Variants in FGD4 observed in about 807,000 individuals in gnomAD.
FGD4 encodes the protein FYVE, RhoGEF and PH domain-containing protein 4.
Under a neutral mutation model 102.0 loss-of-function variants are expected in FGD4, and 42 were observed. That is an observed-to-expected ratio of 0.41 (90% confidence interval 0.32 to 0.53). The LOEUF (loss-of-function observed/expected upper bound fraction) is 0.53, where lower values mean the gene tolerates loss of function less well. FGD4 is among the 20% of genes least tolerant of loss of function. The probability of loss-of-function intolerance (pLI) is 0.21; values close to 1 mark genes in which losing one functional copy is unlikely to be tolerated. For synonymous variants in FGD4, 380 were observed against 375.7 expected (o/e 1.01, Z -0.13); for missense variants, 902 against 1,078.2 (o/e 0.84, Z 2.29).
At chr12:32,514,237 T>A (rs1215324753) in intron 1 of FGD4, among the ~76,000 whole-genome samples, 1 of 152,220 alleles carries the variant, frequency 6.6e-6, no homozygotes, top group African/African-American at 2.4e-5. Context: ...GTGATAGACA[T>A]TTCAGTTATA....
chr12:32,560,711 G>A (rs1054165416), intron 1 of FGD4, among the ~76,000 whole-genome samples: 4 of 151,628 alleles, frequency 2.6e-5, no homozygotes, highest in African/African-American at 9.7e-5. Context: ...TTTTCTCAGA[G>A]TTGCAAGGTC....
At chr12:32,411,989 G>A (rs2136397433) in intron 1 of FGD4, among the ~76,000 whole-genome samples, 1 of 152,132 alleles carries the variant, frequency 6.6e-6, no homozygotes, top group South Asian at 2.1e-4. Flanking sequence ...GAAAAAAAAA[G>A]GCACATAGAG....
chr12:32,443,098 A>C (rs1428949491), intron 1 of FGD4, among the ~76,000 whole-genome samples: 1 of 152,190 alleles, frequency 6.6e-6, no homozygotes, highest in Non-Finnish European at 1.5e-5. Flanking sequence ...TGGTTAGCAG[A>C]TATTTCCCCC....
At chr12:32,511,904 C>T (rs776874684) in intron 1 of FGD4, 5 of 151,942 alleles carry the variant, frequency 3.3e-5, no homozygotes, top group Non-Finnish European at 5.9e-5. Flanking sequence ...CAAATTTCCA[C>T]GAAGAGTAAG....
intron 4 of FGD4, among the ~76,000 whole-genome samples, chr12:32,588,295 G>A (rs1050937282): frequency 3.9e-5 from 6 of 152,170 alleles, no homozygotes; most frequent in African/African-American, 1.4e-4. Context: ...TAGGCTATGG[G>A]CAAGGCACCG....
In FGD4 at chr12:32,399,960, G is replaced by A. The variant is rs765874488; in HGVS notation, c.166+1G>A. 199 of 1,465,796 alleles carry A rather than the reference G, an allele frequency of 1.4e-4. 1 individual carries two copies. The highest frequency in any genetic ancestry group is 1.7e-4 in the Non-Finnish European group (184 of 1,114,718). The allele number at this position is 1,465,796 out of a possible 1,614,324, so 90.8% of individuals were successfully genotyped here. On this transcript the variant is annotated splice_donor_variant, in intron 1 of 16. Coordinates refer to ENST00000534526, the MANE Select transcript of FGD4 (RefSeq NM_001370298.3). LOFTEE classifies it high-confidence loss of function. The stretch of plus-strand genomic sequence containing the variant: ...GGCCAGGTGCCCTCAGGAGCCACAG[G>A]TAAGCGCCTCGGGGCGCGGGGGAAG...
chr12:32,470,463 CTT>C (rs551854980), intron 1 of FGD4, among the ~76,000 whole-genome samples: 69 of 130,800 alleles, frequency 5.3e-4, no homozygotes, highest in South Asian at 1.5e-3. Flanking sequence ...TTTTCTTTTT[CTT>C]TTTTTTTTTT....
At chr12:32,403,073 C>T (rs985411116) in intron 1 of FGD4, among the ~76,000 whole-genome samples, 2 of 152,104 alleles carry the variant, frequency 1.3e-5, no homozygotes, top group South Asian at 2.1e-4. Context: ...AAAATTTAAA[C>T]GCATTACAAA....
In FGD4 at chr12:32,399,726, C is replaced by A. The variant is rs1470707726; in HGVS notation, c.-68C>A. ...CCGAACCTGGGCATGCAGGCGACGC[C>A]CCCCAGGGGCCGCTCGCGGCTGGAC... On this transcript the variant is annotated 5_prime_UTR_variant, in exon 1 of 17. Coordinates refer to ENST00000534526, the MANE Select transcript of FGD4 (RefSeq NM_001370298.3). 6.7e-7 allele frequency: 1 copy of A among 1,502,170 alleles called. No individual in the cohort carries two copies. The highest frequency in any genetic ancestry group is 2.6e-5 in the East Asian group (1 of 37,792). The allele number at this position is 1,502,170 out of a possible 1,614,324, so 93.1% of individuals were successfully genotyped here. A position where few individuals can be genotyped will look rare whatever the true frequency, so the allele number is the denominator to read the frequency against.
chr12:32,472,416 TG>T (rs202177292), intron 1 of FGD4, among the ~76,000 whole-genome samples: 28,131 of 151,942 alleles, frequency 0.19, 3,203 homozygotes, highest in East Asian at 0.26. Context: ...CCCCGGGCAA[TG>T]GGGGACTTAG....
At chr12:32,416,880 C>T (rs374673598) in intron 1 of FGD4, among the ~76,000 whole-genome samples, 7 of 151,686 alleles carry the variant, frequency 4.6e-5, no homozygotes, top group Non-Finnish European at 1.0e-4. Context: ...TGCTCATTAA[C>T]GTCCTTTTCT....
chr12:32,476,114 C>G (rs563687382), intron 1 of FGD4, among the ~76,000 whole-genome samples: 18 of 152,218 alleles, frequency 1.2e-4, no homozygotes, highest in Middle Eastern at 3.4e-3. Context: ...GGGTCTGCTG[C>G]TTTTTCTTAG....
chr12:32,596,955 A>G (rs1310154300), intron 4 of FGD4, among the ~76,000 whole-genome samples: 1 of 151,888 alleles, frequency 6.6e-6, no homozygotes, highest in Non-Finnish European at 1.5e-5. Context: ...AAAAACAAAA[A>G]GAGAAGTACA....
At chr12:32,464,585 G>A (rs1943200912) in intron 1 of FGD4, among the ~76,000 whole-genome samples, 1 of 152,190 alleles carries the variant, frequency 6.6e-6, no homozygotes, top group African/African-American at 2.4e-5. Context: ...AATAATAATA[G>A]AAGAATAAGA....
chr12:32,430,859 T>C (rs1942020895), intron 1 of FGD4, among the ~76,000 whole-genome samples: 2 of 152,232 alleles, frequency 1.3e-5, no homozygotes, highest in South Asian at 4.1e-4. Context: ...GTAGTCCTTT[T>C]ATAGAAAATG....
chr12:32,587,967 G>A (rs1038168920), intron 4 of FGD4, among the ~76,000 whole-genome samples: 4 of 152,178 alleles, frequency 2.6e-5, no homozygotes, highest in African/African-American at 4.8e-5. Context: ...AAAGCAGAAT[G>A]TGTAGGAACA....
chr12:32,463,149 ATC>A (rs1943153549), intron 1 of FGD4, among the ~76,000 whole-genome samples: 1 of 152,208 alleles, frequency 6.6e-6, no homozygotes, highest in Non-Finnish European at 1.5e-5. Context: ...GGTGTGTATG[ATC>A]TCACTTGCCT....
chr12:32,615,757 T>A (rs1052382028), intron 10 of FGD4, among the ~76,000 whole-genome samples: 1 of 152,054 alleles, frequency 6.6e-6, no homozygotes, highest in South Asian at 2.1e-4. Flanking sequence ...TTGTGGTTTC[T>A]GCAGGAAGGA....
chr12:32,468,892 T>C (rs1486811827), intron 1 of FGD4, among the ~76,000 whole-genome samples: 1 of 152,166 alleles, frequency 6.6e-6, no homozygotes, highest in African/African-American at 2.4e-5. Context: ...AATGGCACGA[T>C]CTCAGCTCAC....
Sources: allele counts gnomAD v4.1 joint callset (sites outside exome capture counted in the v4.1 genomes callset), GRCh38; gene constraint gnomAD v4.1.1; transcripts MANE v1.5; gene names NCBI Gene and HGNC (gene_info 2026-07-23, HGNC 2026-07-21).